Variants in VAC14 observed in about 807,000 individuals in gnomAD.
The protein encoded by VAC14 is protein VAC14 homolog.
VAC14 carries 47 observed loss-of-function variants against 85.3 expected under a neutral mutation model. The observed-to-expected ratio is 0.55, with a 90% CI of 0.44 to 0.70. The LOEUF is 0.70. Among genes scored for constraint, VAC14 ranks in the 30% least tolerant of loss-of-function variants. VAC14 has a pLI of 0.00. For synonymous variants in VAC14, 447 were observed against 430.5 expected, an observed-to-expected ratio of 1.04 and a Z score of -0.47; for missense variants, 861 against 1,004.3, an observed-to-expected ratio of 0.86 and a Z score of 1.93.
At chr16:70,766,243 G>T (rs527726639) in intron 10 of VAC14, among the ~76,000 whole-genome samples, 1 of 152,246 alleles carries the variant, frequency 6.6e-6, no homozygotes, top group South Asian at 2.1e-4. Flanking sequence ...GAATCCAAAA[G>T]GGCCAAGATG....
chr16:70,759,638 A>G (rs2032157026), intron 12 of VAC14, among the ~76,000 whole-genome samples: 1 of 152,100 alleles, frequency 6.6e-6, no homozygotes, highest in Non-Finnish European at 1.5e-5. Flanking sequence ...AAAAACAAAC[A>G]AACAAAAACA....
intron 13 of VAC14, among the ~76,000 whole-genome samples, chr16:70,737,655 C>A (rs529813857): frequency 1.3e-5 from 2 of 152,120 alleles, no homozygotes; most frequent in Admixed American, 1.3e-4. Flanking sequence ...GCGGGGTGGG[C>A]GGCCGGGGAG....
chr16:70,794,755 G>A (rs992510461), intron 1 of VAC14, among the ~76,000 whole-genome samples: 26 of 152,114 alleles, frequency 1.7e-4, no homozygotes, highest in Admixed American at 1.6e-3. Flanking sequence ...GCCAGCCTGT[G>A]ACCCCGGAAT....
At chr16:70,789,467 G>T (rs1346462849) in intron 1 of VAC14, among the ~76,000 whole-genome samples, 1 of 152,208 alleles carries the variant, frequency 6.6e-6, no homozygotes, top group Non-Finnish European at 1.5e-5. Context: ...CCCAAGAATG[G>T]GGTTAAAGGG....
chr16:70,705,833 C>G (rs566768446), intron 14 of VAC14, among the ~76,000 whole-genome samples: 2 of 152,372 alleles, frequency 1.3e-5, no homozygotes, highest in East Asian at 1.9e-4. Flanking sequence ...CTTGTCCACT[C>G]TCGCGTGCCA....
At chr16:70,730,462 C>T (rs1431024066) in intron 14 of VAC14, among the ~76,000 whole-genome samples, 1 of 151,972 alleles carries the variant, frequency 6.6e-6, no homozygotes, top group Non-Finnish European at 1.5e-5. Flanking sequence ...AGGCCCCTGC[C>T]GGGACTCCTT....
Position 70,695,604 on chromosome 16 carries a change from C to A in VAC14, c.1975G>T (p.Val659Leu). ...TTGTCCACCTCTGCGAGGAAGTCCA[C>A]GGTGACCTCCAGGTCCCCACTGGGT... ...IQKFGDLEVT[V>L]DFLAEVDKLV... The change falls in exon 17 of 19, where the codon GTG (valine) becomes TTG (leucine). Residue 659 changes from valine to leucine, a missense_variant. By Grantham distance (32) the Val-to-Leu change is conservative. Coordinates refer to ENST00000261776, the MANE Select transcript of VAC14 (RefSeq NM_018052.5). 6.2e-7 allele frequency: 1 copy of A among 1,613,784 alleles called. No homozygotes were observed. The highest frequency in any genetic ancestry group is 2.2e-5 in the East Asian group (1 of 44,878).
At chr16:70,767,231 T>A (rs769943247) in intron 10 of VAC14, among the ~76,000 whole-genome samples, 7 of 152,222 alleles carry the variant, frequency 4.6e-5, no homozygotes, top group Non-Finnish European at 7.3e-5. Flanking sequence ...CTTCTGATAT[T>A]ACCAATAAAT....
At chr16:70,721,665 G>T (rs1050678934) in intron 14 of VAC14, among the ~76,000 whole-genome samples, 1 of 152,096 alleles carries the variant, frequency 6.6e-6, no homozygotes, top group African/African-American at 2.4e-5. Flanking sequence ...CGTGGCTCTC[G>T]TCTCAGCTCT....
intron 3 of VAC14, 97 bp downstream of exon 3, chr16:70,785,605 T>C (rs2034011066): frequency 1.4e-6 from 2 of 1,403,762 alleles, no homozygotes; most frequent in African/African-American, 2.9e-5. Context: ...TTGTTTGCTC[T>C]GCTTGCATCT....
intron 1 of VAC14, among the ~76,000 whole-genome samples, chr16:70,793,100 T>A (rs2034406960): frequency 1.3e-5 from 2 of 152,164 alleles, no homozygotes; most frequent in South Asian, 4.1e-4. Context: ...GCAATTCCCT[T>A]GTGCAGAACT....
At chr16:70,756,656 C>T (rs1365780027) in intron 12 of VAC14, among the ~76,000 whole-genome samples, 1 of 152,160 alleles carries the variant, frequency 6.6e-6, no homozygotes, top group Non-Finnish European at 1.5e-5. Context: ...CCTTGGGGTT[C>T]TACCCCATGG....
At chr16:70,753,011 G>GGGTGT (rs1486481327) in intron 12 of VAC14, among the ~76,000 whole-genome samples, 1 of 142,982 alleles carries the variant, frequency 7.0e-6, no homozygotes, top group Admixed American at 6.9e-5. Context: ...AGGAGGAGGG[G>GGGTGT]GTGTGTGTGT....
chr16:70,776,410 C>T (rs2033521209), intron 9 of VAC14, among the ~76,000 whole-genome samples: 1 of 152,140 alleles, frequency 6.6e-6, no homozygotes, highest in African/African-American at 2.4e-5. Flanking sequence ...GCACCTGGCC[C>T]ATTTGTTACA....
intron 7 of VAC14, 40 bp downstream of exon 7, chr16:70,782,993 C>A (rs746062933): frequency 6.4e-7 from 1 of 1,572,082 alleles, no homozygotes; most frequent in Admixed American, 1.7e-5. Flanking sequence ...GTGGCAGCAG[C>A]AGTGGCAGCC....
In VAC14 at chr16:70,695,585, A is replaced by G. The variant is rs1467261613; in HGVS notation, c.1994T>C (p.Val665Ala). ...CTCAATCAGCTGCACCAGCTTGTCC[A>G]CCTCTGCGAGGAAGTCCACGGTGAC... ...LEVTVDFLAE[V>A]DKLVQLIECP... Residue 665 changes from valine (V) to alanine (A), a missense_variant, in exon 17 of 19, where the codon GTG becomes GCG. By Grantham distance (64) the Val-to-Ala change is moderately conservative. Coordinates refer to ENST00000261776, the MANE Select transcript of VAC14 (RefSeq NM_018052.5). The G allele has an allele frequency of 6.2e-7, 1 of 1,613,660 alleles. No homozygotes were observed. Among genetic ancestry groups the G allele is most frequent in the Non-Finnish European group, 8.5e-7 (1 of 1,179,894 alleles).
chr16:70,712,887 G>A (rs1447037046), intron 14 of VAC14, among the ~76,000 whole-genome samples: 2 of 152,186 alleles, frequency 1.3e-5, no homozygotes, highest in Admixed American at 6.5e-5. Flanking sequence ...CGGAGCCCAC[G>A]GGCAGGGCTG....
At chr16:70,710,291 T>C (rs543698287) in intron 14 of VAC14, among the ~76,000 whole-genome samples, 4 of 152,262 alleles carry the variant, frequency 2.6e-5, no homozygotes, top group Admixed American at 2.6e-4. Context: ...TTCCCACCCA[T>C]TCCCTGCAGC....
intron 14 of VAC14, among the ~76,000 whole-genome samples, chr16:70,728,767 G>A (rs1178945326): frequency 6.6e-6 from 1 of 152,248 alleles, no homozygotes; most frequent in African/African-American, 2.4e-5. Context: ...TCTAGCTATA[G>A]ATTCCTCCTC....
Sources: allele counts gnomAD v4.1 joint callset (sites outside exome capture counted in the v4.1 genomes callset), GRCh38; gene constraint gnomAD v4.1.1; transcripts MANE v1.5; gene names NCBI Gene and HGNC (gene_info 2026-07-23, HGNC 2026-07-21).